Variants in CACNA1C observed in about 807,000 individuals in gnomAD.
The protein encoded by CACNA1C is voltage-dependent L-type calcium channel subunit alpha-1C.
Under a neutral mutation model 229.0 loss-of-function variants are expected in CACNA1C, and 30 were observed. That is an observed-to-expected ratio of 0.13 (90% CI 0.10 to 0.18). CACNA1C has a LOEUF of 0.18. Among genes scored for constraint, CACNA1C ranks in the 10% least tolerant of loss-of-function variants. The probability of loss-of-function intolerance (pLI) is 1.00; values close to 1 mark genes in which losing one functional copy is unlikely to be tolerated. For missense variants in CACNA1C, 1,658 were observed against 2,845.0 expected, an observed-to-expected ratio of 0.58 and a Z score of 9.49; for synonymous variants, 1,114 against 1,132.5, an observed-to-expected ratio of 0.98 and a Z score of 0.33.
intron 1 of CACNA1C, among the ~76,000 whole-genome samples, chr12:2,105,570 TGGGCGCCCACCCCGGGGA>T (rs1394142907): frequency 4.6e-5 from 7 of 151,748 alleles, no homozygotes; most frequent in African/African-American, 1.7e-4. Flanking sequence ...GGGAAACCAC[TGGGCGCCCACCCCGGGGA>T]GGGTTTCCAC....
chr12:2,416,426 A>G (rs1046829369), intron 3 of CACNA1C, among the ~76,000 whole-genome samples: 4 of 152,106 alleles, frequency 2.6e-5, no homozygotes, highest in African/African-American at 9.7e-5. Context: ...GAAAAAAGAG[A>G]AGGAAGGAAG....
rs551409015 is a variant in CACNA1C, at chr12:2,128,034, G to A, written c.477+7604G>A. Among the ~76,000 whole-genome samples the A allele has an allele frequency of 2.0e-5, 3 of 152,190 alleles. No homozygotes were observed. The South Asian group carries it at 6.2e-4, about 32-fold the overall frequency. On this transcript the variant is annotated intron_variant, in intron 3 of 46. Coordinates refer to ENST00000399655, the MANE Select transcript of CACNA1C (RefSeq NM_000719.7). ...TCATGGCTGTATCCCCAGTGCTTTG[G>A]CAATAACTGGCACACGTAAGGCTCT...
chr12:2,651,616 C>A lies in CACNA1C; in HGVS notation c.3946-24C>A. On this transcript the variant is annotated intron_variant, in intron 31 of 46. Coordinates refer to ENST00000399655, the MANE Select transcript of CACNA1C (RefSeq NM_000719.7). This position sits in a 1 kb window ranked among gnomAD's most constrained non-coding sequence, Gnocchi z 5.4. ...CCCCCCTCTTGCTGTGCTAACTGCA[C>A]CTCCTGTTGCCGACGGGTTCCAGAA... The A allele has an allele frequency of 6.2e-7, 1 of 1,613,944 alleles. No homozygotes were observed. Among genetic ancestry groups the A allele is most frequent in the South Asian group, 1.1e-5 (1 of 91,080 alleles).
intron 1 of CACNA1C, among the ~76,000 whole-genome samples, chr12:1,985,604 T>C (rs1468336799): frequency 1.3e-5 from 2 of 152,222 alleles, no homozygotes; most frequent in East Asian, 3.8e-4. Flanking sequence ...TACTGATTTT[T>C]TCCTTGACAG....
intron 1 of CACNA1C, among the ~76,000 whole-genome samples, chr12:2,045,110 T>C (rs1446961103): frequency 6.6e-6 from 1 of 152,110 alleles, no homozygotes; most frequent in Admixed American, 6.6e-5. Flanking sequence ...AGGGGGACTG[T>C]GAATAGAATG....
At chr12:2,581,220 G>A (rs1290909713) in intron 13 of CACNA1C, among the ~76,000 whole-genome samples, 1 of 152,206 alleles carries the variant, frequency 6.6e-6, no homozygotes, top group African/African-American at 2.4e-5. Context: ...ATCATGTCAC[G>A]CAATCCTGCC....
intron 1 of CACNA1C, among the ~76,000 whole-genome samples, chr12:2,021,758 G>T (rs891289995): frequency 1.3e-5 from 2 of 152,126 alleles, no homozygotes; most frequent in Non-Finnish European, 2.9e-5. Context: ...TCTGGTGAAG[G>T]CTTTCTTACT....
At position 2,649,417 on chromosome 12, in the gene CACNA1C, G is replaced by A. The variant is rs1255143471; in HGVS notation, c.3945+910G>A. 5.9e-5 allele frequency among the ~76,000 whole-genome samples: 9 copies of A among 152,234 alleles called. No individual in the cohort carries two copies. Among genetic ancestry groups the A allele is most frequent in the South Asian group, 4.1e-4 (2 of 4,828 alleles). On this transcript the variant is annotated intron_variant, in intron 31 of 46. Coordinates refer to ENST00000399655, the MANE Select transcript of CACNA1C (RefSeq NM_000719.7). The surrounding 1 kb of genome is among the most constrained non-coding windows in gnomAD (Gnocchi z 4.4). Reference sequence around the variant, plus strand: ...GATGTGTTCCCCAGTGCAGCCTGGCGCTGCCTGGCCACAAGGCTGCCACAG... The same window carrying A: ...GATGTGTTCCCCAGTGCAGCCTGGCACTGCCTGGCCACAAGGCTGCCACAG...
intron 1 of CACNA1C, among the ~76,000 whole-genome samples, chr12:2,093,970 C>T (rs1808948261): frequency 6.6e-6 from 1 of 152,216 alleles, no homozygotes; most frequent in African/African-American, 2.4e-5. Context: ...ATCCCATTTT[C>T]CCCAGTAACC....
At chr12:2,014,314 T>C (rs1379576667) in intron 1 of CACNA1C, among the ~76,000 whole-genome samples, 3 of 152,002 alleles carry the variant, frequency 2.0e-5, no homozygotes, top group Non-Finnish European at 4.4e-5. Context: ...GTTTAGTCTA[T>C]AATGGGAGAG....
At chr12:2,634,751 C>A (rs1304455743) in intron 30 of CACNA1C, among the ~76,000 whole-genome samples, 1 of 152,032 alleles carries the variant, frequency 6.6e-6, no homozygotes, top group African/African-American at 2.4e-5. Flanking sequence ...GGCAGGGACC[C>A]AAACCTCTTC....
At position 2,578,597 on chromosome 12, in the gene CACNA1C, C is replaced by T. The variant is rs188730598; in HGVS notation, c.1896-2993C>T. ...GTGGGAAGTGGCCAAAGTCAGGACT[C>T]ATTTTGAAGATGGCGCAGAAGGATT... On this transcript the variant is annotated intron_variant, in intron 13 of 46. Coordinates refer to ENST00000399655, the MANE Select transcript of CACNA1C (RefSeq NM_000719.7). Among the ~76,000 whole-genome samples, 10 of 152,218 alleles carry T rather than the reference C, an allele frequency of 6.6e-5. No individual in the cohort carries two copies. In the East Asian group the frequency reaches 1.9e-3, roughly 29 times the overall value.
intron 3 of CACNA1C, among the ~76,000 whole-genome samples, chr12:2,233,876 TC>T (rs1334733040): frequency 2.6e-5 from 4 of 152,116 alleles, no homozygotes; most frequent in Non-Finnish European, 4.4e-5. Flanking sequence ...TGCTTGACTT[TC>T]CTCCACCTAC....
At chr12:2,043,261 T>C (rs2050455514) in intron 1 of CACNA1C, among the ~76,000 whole-genome samples, 1 of 152,232 alleles carries the variant, frequency 6.6e-6, no homozygotes. Context: ...TGTTGATTTA[T>C]TCCAGCCTGT....
chr12:2,278,631 TTATC>T (rs767298864), intron 3 of CACNA1C, among the ~76,000 whole-genome samples: 6 of 152,366 alleles, frequency 3.9e-5, no homozygotes, highest in Admixed American at 6.5e-5. Flanking sequence ...ATAGCACAGT[TTATC>T]CATCCATGTT....
At chr12:2,141,798 C>A (rs893976886) in intron 3 of CACNA1C, among the ~76,000 whole-genome samples, 2 of 151,156 alleles carry the variant, frequency 1.3e-5, no homozygotes, top group Non-Finnish European at 3.0e-5. Context: ...GCGCTTGGCC[C>A]CCATCTATCT....
Position 2,679,387 on chromosome 12 carries a change from T to A in CACNA1C, c.5092-57T>A, listed in dbSNP as rs1428204062. The A allele has an allele frequency of 2.3e-6, 3 of 1,305,434 alleles. No individual in the cohort carries two copies. The highest frequency in any genetic ancestry group is 2.1e-6 in the Non-Finnish European group (2 of 963,066). The allele number at this position is 1,305,434 out of a possible 1,614,324, so 80.9% of individuals were successfully genotyped here. A position where few individuals can be genotyped will look rare whatever the true frequency, so the allele number is the denominator to read the frequency against. Reference sequence around the variant, plus strand: ...CCTGACCTGGCTGTGGAGGCTGCTCTCTGGGAGGAGTGGGTGCTAAGGGGC... The same window carrying A: ...CCTGACCTGGCTGTGGAGGCTGCTCACTGGGAGGAGTGGGTGCTAAGGGGC... On this transcript the variant is annotated intron_variant, in intron 41 of 46. Transcript: ENST00000399655. The surrounding 1 kb of genome is among the most constrained non-coding windows in gnomAD (Gnocchi z 5.5).
rs78243936 is a variant in CACNA1C, at chr12:2,505,322, A to T, written c.1217+377A>T. 2.0e-3 allele frequency among the ~76,000 whole-genome samples: 309 copies of T among 152,340 alleles called. 1 individual carries two copies. The highest frequency in any genetic ancestry group is 6.8e-3 in the Middle Eastern group (2 of 294). On this transcript the variant is annotated intron_variant, in intron 8 of 46. Transcript: ENST00000399655. ...AGACTCAAAATCTAATTCTCATTTT[A>T]CTTCATAGACTGAGCAGTCTATCTC...
At chr12:2,404,493 G>A (rs1032863299) in intron 3 of CACNA1C, among the ~76,000 whole-genome samples, 1 of 152,154 alleles carries the variant, frequency 6.6e-6, no homozygotes, top group Non-Finnish European at 1.5e-5. Context: ...TTAAATCAGT[G>A]ACATTCAACC....
Sources: allele counts gnomAD v4.1 joint callset (sites outside exome capture counted in the v4.1 genomes callset), GRCh38; gene constraint gnomAD v4.1.1; non-coding constraint Gnocchi (gnomAD v3.1); transcripts MANE v1.5; gene names NCBI Gene and HGNC (gene_info 2026-07-23, HGNC 2026-07-21).